The following PCDH15 variants were observed in gnomAD, a reference collection of about 807,000 sequenced individuals.
The protein encoded by PCDH15 is protocadherin-15.
A neutral mutation model predicts 178.5 loss-of-function variants in PCDH15; 129 were observed. The observed-to-expected ratio is 0.72, with a 90% CI of 0.63 to 0.84. PCDH15 has a LOEUF of 0.84. Among genes scored for constraint, PCDH15 ranks in the 40% least tolerant of loss-of-function variants. The pLI, the probability that PCDH15 is intolerant of heterozygous loss-of-function variation, is 0.00. For synonymous variants in PCDH15, 800 were observed against 732.0 expected (o/e 1.09, Z -1.50); for missense variants, 2,230 against 2,099.9 (o/e 1.06, Z -1.21).
At chr10:54,607,594 A>G (rs1302378787) in intron 2 of PCDH15, among the ~76,000 whole-genome samples, 1 of 152,122 alleles carries the variant, frequency 6.6e-6, no homozygotes, top group African/African-American at 2.4e-5. Context: ...TTTCAGGTTA[A>G]GAGTAGAAAT....
intron 2 of PCDH15, among the ~76,000 whole-genome samples, chr10:54,630,726 G>A (rs2093679275): frequency 6.6e-6 from 1 of 152,142 alleles, no homozygotes; most frequent in Admixed American, 6.6e-5. Context: ...ATAACCTATG[G>A]AATGGAAGGA....
intron 2 of PCDH15, among the ~76,000 whole-genome samples, chr10:55,479,739 C>A (rs1267559479): frequency 6.6e-6 from 1 of 151,472 alleles, no homozygotes; most frequent in Non-Finnish European, 1.5e-5. Context: ...ACAGCATGAT[C>A]TTTATATGTA....
chr10:53,885,336 T>C (rs1201846607), intron 26 of PCDH15, among the ~76,000 whole-genome samples: 1 of 152,128 alleles, frequency 6.6e-6, no homozygotes, highest in African/African-American at 2.4e-5. Context: ...TAGTATAATA[T>C]AATTTCACTC....
At position 55,244,100 on chromosome 10, in the gene PCDH15, T is replaced by C. The variant is rs114436021; in HGVS notation, c.-156+75499A>G. ...CTGATAATTTGTCTTTAGTTCTCTT[T>C]AGAGACTTCTGAACCACATTGATCT... On this transcript the variant is annotated intron_variant, in intron 1 of 5. Coordinates refer to the PCDH15 transcript ENST00000458638. Among the ~76,000 whole-genome samples, 877 of 152,232 alleles carry C rather than the reference T, an allele frequency of 5.8e-3. 12 individuals are homozygous for C. Among genetic ancestry groups the C allele is most frequent in the African/African-American group, 0.02 (835 of 41,568 alleles).
At chr10:54,403,386 TCAACACA>T (rs1952188702) in intron 3 of PCDH15, among the ~76,000 whole-genome samples, 1 of 151,980 alleles carries the variant, frequency 6.6e-6, no homozygotes, top group Non-Finnish European at 1.5e-5. Context: ...TCGATAAAAT[TCAACACA>T]CATTCATGTC....
chr10:55,622,622 C>T (rs918797119), intron 2 of PCDH15, among the ~76,000 whole-genome samples: 2 of 151,930 alleles, frequency 1.3e-5, no homozygotes, highest in African/African-American at 2.4e-5. Flanking sequence ...GGCTGATCAA[C>T]CATAAGAATT....
chr10:54,065,445 T>A (rs942861015), intron 18 of PCDH15, among the ~76,000 whole-genome samples: 1 of 152,226 alleles, frequency 6.6e-6, no homozygotes, highest in African/African-American at 2.4e-5. Flanking sequence ...GAATATTTTG[T>A]GTCCAGATTT....
chr10:54,805,323 C>T (rs1056680722), upstream of PCDH15, among the ~76,000 whole-genome samples: 5 of 152,026 alleles, frequency 3.3e-5, no homozygotes, highest in Admixed American at 3.3e-4. Flanking sequence ...ATCAAAATAG[C>T]CTTGCTCATT....
chr10:54,062,971 T>C (rs553153749), intron 18 of PCDH15, among the ~76,000 whole-genome samples: 4 of 152,326 alleles, frequency 2.6e-5, no homozygotes, highest in Admixed American at 1.3e-4. Context: ...TTAATATATA[T>C]ATGGCTAAGT....
At chr10:55,216,176 T>C (rs562076328) in intron 1 of PCDH15, among the ~76,000 whole-genome samples, 1 of 151,916 alleles carries the variant, frequency 6.6e-6, no homozygotes, top group South Asian at 2.1e-4. Flanking sequence ...CAAATGTTAG[T>C]TTATATTGCA....
At chr10:54,327,723 TC>T in intron 7 of PCDH15, among the ~76,000 whole-genome samples, 1 of 152,106 alleles carries the variant, frequency 6.6e-6, no homozygotes, top group South Asian at 2.1e-4. Flanking sequence ...CCTTTTAGCA[TC>T]CCCTGCTATC....
At chr10:55,264,024 G>GC (rs1010815827) in intron 1 of PCDH15, among the ~76,000 whole-genome samples, 18 of 152,010 alleles carry the variant, frequency 1.2e-4, no homozygotes, top group Non-Finnish European at 1.6e-4. Context: ...CTGAGCCACC[G>GC]CCCCGGGCCT....
intron 1 of PCDH15, among the ~76,000 whole-genome samples, chr10:54,666,875 T>A (rs1000302636): frequency 6.6e-6 from 1 of 152,032 alleles, no homozygotes; most frequent in African/African-American, 2.4e-5. Flanking sequence ...TATTCTTTTA[T>A]TCCTAACTGA....
intron 2 of PCDH15, among the ~76,000 whole-genome samples, chr10:54,569,342 C>A (rs576740094): frequency 1.3e-5 from 2 of 152,058 alleles, no homozygotes; most frequent in Admixed American, 6.6e-5. Flanking sequence ...TTTGATCATG[C>A]TTATTGCTTA....
chr10:54,700,262 G>A (rs1457663227), intron 1 of PCDH15, among the ~76,000 whole-genome samples: 1 of 152,104 alleles, frequency 6.6e-6, no homozygotes, highest in East Asian at 1.9e-4. Flanking sequence ...TGCCCACACA[G>A]ATTAGAATGT....
intron 3 of PCDH15, among the ~76,000 whole-genome samples, chr10:54,447,534 G>C (rs147677876): frequency 6.6e-6 from 1 of 151,602 alleles, no homozygotes; most frequent in African/African-American, 2.4e-5. Flanking sequence ...AGTCTCCCAG[G>C]TTCATACGTG....
At chr10:53,828,523 C>T (rs1328177815) in intron 31 of PCDH15, 42 bp downstream of exon 31, 18 of 1,490,238 alleles carry the variant, frequency 1.2e-5, no homozygotes, top group Non-Finnish European at 1.7e-5. Flanking sequence ...TTCTCTTTTC[C>T]TATTACATGA....
chr10:54,610,773 T>C (rs2092934889), intron 2 of PCDH15, among the ~76,000 whole-genome samples: 1 of 151,824 alleles, frequency 6.6e-6, no homozygotes, highest in Non-Finnish European at 1.5e-5. Context: ...ATTCTGAAGA[T>C]AAGTTGGTTT....
At chr10:55,080,196 T>C (rs2132024559) in intron 2 of PCDH15, among the ~76,000 whole-genome samples, 1 of 152,190 alleles carries the variant, frequency 6.6e-6, no homozygotes, top group East Asian at 1.9e-4. Context: ...TCCCAACTCC[T>C]TGGCTGTGAA....
Sources: gnomAD v4.1 joint callset for allele counts (sites outside exome capture counted in the v4.1 genomes callset) on GRCh38, gnomAD v4.1.1 for gene constraint, MANE v1.5 for transcripts, NCBI Gene and HGNC (gene_info 2026-07-23, HGNC 2026-07-21) for gene names.